Variants in PCP4L1 observed in about 807,000 individuals in gnomAD.
PCP4L1 encodes Purkinje cell protein 4-like protein 1.
PCP4L1 carries 9 observed loss-of-function variants against 9.6 expected under a neutral mutation model. The observed-to-expected ratio is 0.94, with a 90% CI of 0.57 to 1.64. The LOEUF (loss-of-function observed/expected upper bound fraction) is 1.64. Ranked by LOEUF, PCP4L1 falls within the 40% of genes most tolerant of loss-of-function variation. The pLI, the probability that PCP4L1 is intolerant of heterozygous loss-of-function variation, is 0.00. For missense variants in PCP4L1, 81 were observed against 80.8 expected (o/e 1.00, Z -0.01); for synonymous variants, 31 against 28.2 (o/e 1.10, Z -0.31).
At chr1:161,260,325 G>T (rs1036575081) in intron 1 of PCP4L1, among the ~76,000 whole-genome samples, 29 of 152,196 alleles carry the variant, frequency 1.9e-4, no homozygotes, top group African/African-American at 7.0e-4. Flanking sequence ...GAACCAAAGT[G>T]GTTTCCAGTC....
intron 1 of PCP4L1, among the ~76,000 whole-genome samples, chr1:161,275,378 T>A (rs963624063): frequency 6.6e-6 from 1 of 151,652 alleles, no homozygotes; most frequent in Non-Finnish European, 1.5e-5. Flanking sequence ...CAGCCAGGTG[T>A]GGTGGCGGGC....
rs1669774418 is a variant in PCP4L1 at position 161,280,422 on chromosome 1, TAAG to T, written c.10-3243_10-3241del. Among the ~76,000 whole-genome samples, 4 of 152,370 alleles carry T rather than the reference TAAG, an allele frequency of 2.6e-5. No homozygotes were observed. In the South Asian group the frequency reaches 8.3e-4, roughly 32 times the overall value. On this transcript the variant is annotated intron_variant, in intron 1 of 2. Coordinates refer to ENST00000504449, the MANE Select transcript of PCP4L1 (RefSeq NM_001102566.2). ...TTCCTTGTCTACTGGATCATTTCCA[TAAG>T]AACACAAACATTCTGTAATTTCTGT...
intron 1 of PCP4L1, among the ~76,000 whole-genome samples, chr1:161,275,253 A>C (rs1212057053): frequency 3.3e-5 from 5 of 152,120 alleles, no homozygotes; most frequent in African/African-American, 1.2e-4. Flanking sequence ...GTGGTGGCTC[A>C]CGTCTGTAAT....
intron 1 of PCP4L1, among the ~76,000 whole-genome samples, chr1:161,277,702 G>A (rs1168061385): frequency 6.6e-6 from 1 of 152,064 alleles, no homozygotes; most frequent in African/African-American, 2.4e-5. Flanking sequence ...TGCCTAGGCT[G>A]GTCTTGGACC....
chr1:161,267,254 T>G (rs1426316317), intron 1 of PCP4L1, among the ~76,000 whole-genome samples: 4 of 152,258 alleles, frequency 2.6e-5, no homozygotes, highest in Non-Finnish European at 4.4e-5. Context: ...CTAAGTATTC[T>G]GGCAGTAAGT....
Position 161,284,462 on chromosome 1 carries a change from A to G in PCP4L1, c.188A>G (p.Lys63Arg). ...QGKFRRFQKRKKDPSS is the reference protein window; with the variant it reads ...QGKFRRFQKRRKDPSS The stretch of plus-strand genomic sequence containing the variant: ...AAGTTCCGGCGATTTCAGAAAAGGA[A>G]AAAGGATCCCAGCTCCTGAATGGCC... Residue 63 changes from lysine (K) to arginine (R), a missense_variant, in exon 3 of 3, where the codon AAA becomes AGA. Physicochemically the swap from Lys to Arg is conservative, Grantham distance 26. Transcript: ENST00000504449. 1 of 1,613,752 alleles carries G rather than the reference A, an allele frequency of 6.2e-7. No homozygotes were observed. The highest frequency in any genetic ancestry group is 8.5e-7 in the Non-Finnish European group (1 of 1,179,800).
At chr1:161,274,430 G>A (rs978978121) in intron 1 of PCP4L1, among the ~76,000 whole-genome samples, 2 of 152,154 alleles carry the variant, frequency 1.3e-5, no homozygotes, top group Non-Finnish European at 2.9e-5. Context: ...CTAGAATGAG[G>A]AGCTGAGAAG....
chr1:161,284,420 C>T lies in PCP4L1; in HGVS notation c.146C>T (p.Ala49Val). Residue 49 changes from alanine (A) to valine (V), a missense_variant, in exon 3 of 3, where the codon GCC becomes GTC. Transcript: ENST00000504449. The part of the protein sequence containing the change: ...DLTAPETEKA[A>V]LAIQGKFRRF... ...ACAGCACCAGAAACAGAGAAGGCTG[C>T]CCTTGCTATTCAGGGCAAGTTCCGG... 2 of 1,613,954 alleles carry T rather than the reference C, an allele frequency of 1.2e-6. No homozygotes were observed. The highest frequency in any genetic ancestry group is 1.7e-6 in the Non-Finnish European group (2 of 1,179,880).
chr1:161,264,978 A>G (rs1173642869), intron 1 of PCP4L1, among the ~76,000 whole-genome samples: 3 of 152,232 alleles, frequency 2.0e-5, no homozygotes, highest in Non-Finnish European at 2.9e-5. Flanking sequence ...ATCATTACGC[A>G]GGATGCCTAG....
At chr1:161,280,102 A>G (rs1467829537) in intron 1 of PCP4L1, among the ~76,000 whole-genome samples, 2 of 152,106 alleles carry the variant, frequency 1.3e-5, no homozygotes, top group East Asian at 3.8e-4. Context: ...TCCTTAGTCC[A>G]TTTACTCTCC....
intron 2 of PCP4L1, 81 bp downstream of exon 2, chr1:161,283,803 C>A: frequency 7.2e-7 from 1 of 1,391,154 alleles, no homozygotes; most frequent in Non-Finnish European, 1.0e-6. Context: ...CTGGAATTTC[C>A]TAAAGTCAGA....
intron 1 of PCP4L1, among the ~76,000 whole-genome samples, chr1:161,276,902 T>C (rs1408958727): frequency 6.6e-6 from 1 of 152,182 alleles, no homozygotes; most frequent in Non-Finnish European, 1.5e-5. Context: ...AATTTTTTTC[T>C]AAATTATTAT....
At chr1:161,279,001 T>G (rs955955432) in intron 1 of PCP4L1, among the ~76,000 whole-genome samples, 1 of 152,012 alleles carries the variant, frequency 6.6e-6, no homozygotes, top group Non-Finnish European at 1.5e-5. Flanking sequence ...CAGGCTGGTC[T>G]CAAACTCCTG....
chr1:161,270,873 G>A (rs1669613724), intron 1 of PCP4L1, among the ~76,000 whole-genome samples: 1 of 109,928 alleles, frequency 9.1e-6, no homozygotes. Flanking sequence ...GGGAGACTCC[G>A]TCTAAAAAAA....
At chr1:161,266,383 C>T (rs1039331226) in intron 1 of PCP4L1, among the ~76,000 whole-genome samples, 1 of 152,196 alleles carries the variant, frequency 6.6e-6, no homozygotes, top group Non-Finnish European at 1.5e-5. Flanking sequence ...TCTCTCTCCC[C>T]CATTCCCTAA....
rs763350534 is a variant in PCP4L1, at chr1:161,284,385, C to T, written c.111C>T (p.Asp37=). Residue 37 remains aspartate, a synonymous_variant, in exon 3 of 3, where the codon GAC becomes GAT. Transcript: ENST00000504449. The part of the protein sequence containing the change: ...VKKAEEEEEI[D]IDLTAPETEK... ...AGGCGGAGGAGGAGGAGGAGATTGA[C>T]ATTGATCTGACAGCACCAGAAACAG... The T allele has an allele frequency of 9.0e-5, 145 of 1,613,836 alleles. 1 individual carries two copies. Among genetic ancestry groups the T allele is most frequent in the South Asian group, 1.6e-4 (15 of 91,084 alleles).
intron 1 of PCP4L1, among the ~76,000 whole-genome samples, chr1:161,270,930 A>C (rs1571795405): frequency 6.6e-6 from 1 of 151,702 alleles, no homozygotes; most frequent in Non-Finnish European, 1.5e-5. Context: ...CTACCATGTG[A>C]GGATATAGCA....
Position 161,258,901 on chromosome 1 carries a change from C to T in PCP4L1, c.-74C>T, listed in dbSNP as rs1669366826. 2 of 1,533,216 alleles carry T rather than the reference C, an allele frequency of 1.3e-6. No homozygotes were observed. The highest frequency in any genetic ancestry group is 2.0e-5 in the Admixed American group (1 of 50,960). The allele number at this position is 1,533,216 out of a possible 1,614,324, so 95.0% of individuals were successfully genotyped here. ...GCAGAGCCCGGCAACTTTCAGCTGT[C>T]GCCCGCGGAGCCCCGAGGGCCACTC... On this transcript the variant is annotated 5_prime_UTR_variant, in exon 1 of 3. Transcript: ENST00000504449.
rs771795327 is a variant in PCP4L1 at position 161,284,412 on chromosome 1, G to A, written c.138G>A (p.Glu46=). ...TTGATCTGACAGCACCAGAAACAGA[G>A]AAGGCTGCCCTTGCTATTCAGGGCA... The part of the protein sequence containing the change: ...IDIDLTAPET[E]KAALAIQGKF... Residue 46 remains glutamate (E), a synonymous_variant, in exon 3 of 3, where the codon GAG becomes GAA. Transcript: ENST00000504449. 12 of 1,613,906 alleles carry A rather than the reference G, an allele frequency of 7.4e-6. No homozygotes were observed. The highest frequency in any genetic ancestry group is 3.3e-5 in the South Asian group (3 of 91,094).
Sources: allele counts gnomAD v4.1 joint callset (sites outside exome capture counted in the v4.1 genomes callset), GRCh38; gene constraint gnomAD v4.1.1; transcripts MANE v1.5; gene names NCBI Gene and HGNC (gene_info 2026-07-23, HGNC 2026-07-21).